MSRA: variants seen among roughly 807,000 people sequenced by gnomAD.
MSRA encodes the protein methionine sulfoxide reductase A.
Under a neutral mutation model 31.3 loss-of-function variants are expected in MSRA, and 54 were observed. The ratio of observed to expected loss-of-function variants is 1.73; its 90% confidence interval spans 1.39 to 2.17. MSRA has a LOEUF of 2.17. Among genes scored for constraint, MSRA ranks in the 30% most tolerant of loss-of-function variants. The probability of loss-of-function intolerance (pLI) is 0.00; values close to 1 mark genes in which losing one functional copy is unlikely to be tolerated. For missense variants in MSRA, 507 were observed against 300.9 expected (o/e 1.69, Z -5.07); for synonymous variants, 169 against 116.5 (o/e 1.45, Z -2.90).
intron 1 of MSRA, among the ~76,000 whole-genome samples, chr8:10,074,202 C>G (rs1797882893): frequency 6.6e-6 from 1 of 150,416 alleles, no homozygotes; most frequent in Non-Finnish European, 1.5e-5. Flanking sequence ...CCTGCCTTAT[C>G]CTCCCGAGTA....
intron 5 of MSRA, among the ~76,000 whole-genome samples, chr8:10,396,928 C>G (rs183253597): frequency 6.6e-6 from 1 of 152,178 alleles, no homozygotes; most frequent in African/African-American, 2.4e-5. Flanking sequence ...TCTTGGGTGC[C>G]GATGCCATCA....
At chr8:10,313,583 C>G (rs1432028725) in intron 4 of MSRA, among the ~76,000 whole-genome samples, 2 of 152,076 alleles carry the variant, frequency 1.3e-5, no homozygotes, top group African/African-American at 4.8e-5. Flanking sequence ...CACACCAATT[C>G]TCTCCAAATT....
chr8:10,379,492 C>T (rs893738425), intron 5 of MSRA, among the ~76,000 whole-genome samples: 63 of 152,188 alleles, frequency 4.1e-4, no homozygotes, highest in African/African-American at 1.5e-3. Context: ...CGCCCCATGC[C>T]AGGCCCTCCG....
Position 10,266,242 on chromosome 8 carries a change from G to A in MSRA, c.331+21019G>A, listed in dbSNP as rs79361136. 5.4e-3 allele frequency among the ~76,000 whole-genome samples: 823 copies of A among 152,280 alleles called. 10 individuals carry two copies. The highest frequency in any genetic ancestry group is 0.019 in the African/African-American group (795 of 41,536). On this transcript the variant is annotated intron_variant, in intron 3 of 5. Transcript: ENST00000317173. Reference sequence around the variant, plus strand: ...TACGAGGGTTCCAGTTTCTTCACTTGCTCATTAGCAGTTGGTATGGCCAGT... The same window carrying A: ...TACGAGGGTTCCAGTTTCTTCACTTACTCATTAGCAGTTGGTATGGCCAGT...
At chr8:10,324,101 C>G (rs914344458) in intron 5 of MSRA, among the ~76,000 whole-genome samples, 1 of 152,230 alleles carries the variant, frequency 6.6e-6, no homozygotes, top group Non-Finnish European at 1.5e-5. Flanking sequence ...ACTCGCCTTT[C>G]CGCCATGATG....
intron 5 of MSRA, 49 bp from the exon 6 acceptor site, chr8:10,428,099 G>A (rs1485950792): frequency 6.3e-7 from 1 of 1,577,482 alleles, no homozygotes. Flanking sequence ...CCTCGCAGGT[G>A]CTGTCTCTCT....
intron 5 of MSRA, among the ~76,000 whole-genome samples, chr8:10,416,231 C>G (rs2129191802): frequency 6.6e-6 from 1 of 152,334 alleles, no homozygotes; most frequent in Middle Eastern, 3.4e-3. Flanking sequence ...CTAGCCCGGT[C>G]CTTGACACAC....
chr8:10,199,569 G>T (rs1179917110), intron 1 of MSRA, among the ~76,000 whole-genome samples: 2 of 151,122 alleles, frequency 1.3e-5, no homozygotes, highest in East Asian at 1.9e-4. Context: ...CTGCCCGCCA[G>T]TTTTTTTTTA....
At chr8:10,220,007 G>A (rs1000937701) in intron 2 of MSRA, among the ~76,000 whole-genome samples, 1 of 151,850 alleles carries the variant, frequency 6.6e-6, no homozygotes, top group Non-Finnish European at 1.5e-5. Flanking sequence ...CAACATGGTT[G>A]AACCATGTGG....
chr8:10,141,654 C>T (rs1802716849), intron 1 of MSRA, among the ~76,000 whole-genome samples: 1 of 152,098 alleles, frequency 6.6e-6, no homozygotes, highest in Non-Finnish European at 1.5e-5. Flanking sequence ...CTGTAGTAGA[C>T]CTCTGAAAGA....
intron 5 of MSRA, among the ~76,000 whole-genome samples, chr8:10,403,474 C>G (rs1807593199): frequency 6.6e-6 from 1 of 152,182 alleles, no homozygotes; most frequent in African/African-American, 2.4e-5. Flanking sequence ...GATGGCTAGG[C>G]CCTGGCTGGG....
chr8:10,174,534 C>T (rs1255724248), intron 1 of MSRA, among the ~76,000 whole-genome samples: 1 of 152,120 alleles, frequency 6.6e-6, no homozygotes, highest in Non-Finnish European at 1.5e-5. Context: ...CTCACCTCCC[C>T]TCTGTGAGCT....
At chr8:10,338,179 C>T (rs1198104221) in intron 5 of MSRA, among the ~76,000 whole-genome samples, 1 of 152,152 alleles carries the variant, frequency 6.6e-6, no homozygotes, top group Admixed American at 6.5e-5. Flanking sequence ...CCCGAGAAAG[C>T]AATACTAGCA....
intron 1 of MSRA, among the ~76,000 whole-genome samples, chr8:10,075,108 CT>C (rs1412434506): frequency 6.6e-6 from 1 of 152,084 alleles, no homozygotes; most frequent in Non-Finnish European, 1.5e-5. Context: ...CATATATTGT[CT>C]TTTTATTTAA....
At chr8:10,383,811 C>T (rs1806220274) in intron 5 of MSRA, among the ~76,000 whole-genome samples, 1 of 152,162 alleles carries the variant, frequency 6.6e-6, no homozygotes, top group African/African-American at 2.4e-5. Context: ...TTGCTGTCAC[C>T]TTCATTTTGG....
At chr8:10,166,437 T>A (rs911420540) in intron 1 of MSRA, among the ~76,000 whole-genome samples, 3 of 152,210 alleles carry the variant, frequency 2.0e-5, no homozygotes, top group Non-Finnish European at 4.4e-5. Flanking sequence ...TGCGTGTGTA[T>A]GCATTTGTGT....
At chr8:10,340,243 CCCCAGG>C (rs1803338825) in intron 5 of MSRA, among the ~76,000 whole-genome samples, 1 of 152,100 alleles carries the variant, frequency 6.6e-6, no homozygotes, top group South Asian at 2.1e-4. Flanking sequence ...CCCAAGCTGA[CCCCAGG>C]TGTCCGTGCT....
intron 1 of MSRA, among the ~76,000 whole-genome samples, chr8:10,179,272 A>T (rs778353822): frequency 2.0e-5 from 3 of 152,168 alleles, no homozygotes; most frequent in Non-Finnish European, 4.4e-5. Context: ...AAATACTTGG[A>T]TCTGCATGCT....
intron 5 of MSRA, among the ~76,000 whole-genome samples, chr8:10,381,632 A>G (rs1014354286): frequency 6.6e-6 from 1 of 152,182 alleles, no homozygotes; most frequent in East Asian, 1.9e-4. Context: ...GTGGGGCTCT[A>G]GGTTCTGGCA....
Sources: allele counts gnomAD v4.1 joint callset (sites outside exome capture counted in the v4.1 genomes callset), GRCh38; gene constraint gnomAD v4.1.1; transcripts MANE v1.5; gene names NCBI Gene and HGNC (gene_info 2026-07-23, HGNC 2026-07-21).